ARAP2: variants seen among roughly 807,000 people sequenced by gnomAD.
ARAP2 encodes the protein ArfGAP with RhoGAP domain, ankyrin repeat and PH domain 2.
In ARAP2, 148 loss-of-function variants were observed where a neutral mutation model predicts 194.5. That is an observed-to-expected ratio of 0.76 (90% CI 0.67 to 0.87). ARAP2 has a LOEUF of 0.87. ARAP2 is among the 40% of genes least tolerant of loss of function. The probability of loss-of-function intolerance (pLI) is 0.00; values close to 1 mark genes in which losing one functional copy is unlikely to be tolerated. For synonymous variants in ARAP2, 695 were observed against 683.5 expected (o/e 1.02, Z -0.26); for missense variants, 2,128 against 1,989.7 (o/e 1.07, Z -1.32).
intron 27 of ARAP2, among the ~76,000 whole-genome samples, chr4:36,099,606 A>G (rs1038499712): frequency 5.3e-5 from 8 of 152,082 alleles, no homozygotes; most frequent in African/African-American, 1.9e-4. Context: ...GTACATATTC[A>G]TTTTGTATTT....
chr4:36,103,909 A>C (rs567946050), intron 27 of ARAP2, among the ~76,000 whole-genome samples: 1 of 152,070 alleles, frequency 6.6e-6, no homozygotes, highest in South Asian at 2.1e-4. Context: ...TTTATATAAC[A>C]TTCTCGCGTT....
chr4:36,141,398 G>A (rs988465923), intron 19 of ARAP2, among the ~76,000 whole-genome samples: 4 of 151,560 alleles, frequency 2.6e-5, no homozygotes, highest in Admixed American at 1.3e-4. Flanking sequence ...ACATTAAAAC[G>A]ACACCATCTG....
At chr4:36,143,236 C>T (rs1190851321) in intron 19 of ARAP2, among the ~76,000 whole-genome samples, 1 of 151,672 alleles carries the variant, frequency 6.6e-6, no homozygotes, top group South Asian at 2.1e-4. Context: ...CGGTGGACCT[C>T]CCTTCTCTCT....
chr4:36,049,911 T>A (rs1722394101), intron 3 of ARAP2, among the ~76,000 whole-genome samples: 1 of 152,184 alleles, frequency 6.6e-6, no homozygotes, highest in African/African-American at 2.4e-5. Flanking sequence ...TAAACATGCA[T>A]TATTAAAATA....
At chr4:36,193,076 C>T (rs1395743915) in intron 7 of ARAP2, among the ~76,000 whole-genome samples, 3 of 152,278 alleles carry the variant, frequency 2.0e-5, no homozygotes, top group South Asian at 4.2e-4. Flanking sequence ...GTGTTTATAC[C>T]GATTTGATGC....
In ARAP2 at chr4:36,193,533, G is replaced by A. The variant is rs373725925; in HGVS notation, c.1557+45C>T. ...AAACTGCTTGCTTATTTTACTCTTC[G>A]TATGCATAAAAAAGCAATTTTTGAA... On this transcript the variant is annotated intron_variant, in intron 7 of 32. Transcript: ENST00000303965. 9.2e-4 allele frequency: 1,198 copies of A among 1,295,516 alleles called. 9 individuals carry two copies. Among genetic ancestry groups the A allele is most frequent in the Middle Eastern group, 7.6e-4 (4 of 5,292 alleles). 80.3% of individuals were successfully genotyped at this position (1,295,516 alleles called of 1,614,324 possible).
Position 36,133,236 on chromosome 4 carries a change from A to G in ARAP2, c.3417T>C (p.Val1139=). The G allele has an allele frequency of 6.2e-7, 1 of 1,610,494 alleles. No homozygotes were observed. The highest frequency in any genetic ancestry group is 1.3e-5 in the African/African-American group (1 of 74,802). ...PIIVNSCIAF[V]TQYGLGCKYI... ...CTCAGTGATACTTACCATACTGTGT[A>G]ACAAATGCTATACAGCTGTTCACTA... is the stretch of plus-strand genomic sequence containing the variant. The change falls in exon 20 of 33, where the codon GTT becomes GTC. Residue 1139 remains valine (V), a synonymous_variant. Coordinates refer to ENST00000303965, the MANE Select transcript of ARAP2 (RefSeq NM_015230.4).
intron 27 of ARAP2, among the ~76,000 whole-genome samples, chr4:36,098,254 G>A (rs946148677): frequency 3.9e-5 from 6 of 152,036 alleles, no homozygotes; most frequent in African/African-American, 9.7e-5. Context: ...TACCCTCCAT[G>A]TCCAGGCAGC....
chr4:36,196,862 T>C (rs759527481), intron 6 of ARAP2, among the ~76,000 whole-genome samples: 2 of 151,586 alleles, frequency 1.3e-5, no homozygotes, highest in Admixed American at 6.6e-5. Flanking sequence ...CCATATGCCA[T>C]TGTCTCTGCT....
At chr4:36,187,138 AAAC>A (rs1421417681) in intron 8 of ARAP2, among the ~76,000 whole-genome samples, 2 of 152,234 alleles carry the variant, frequency 1.3e-5, no homozygotes, top group Admixed American at 6.5e-5. Context: ...TGCATTATCA[AAAC>A]AACATCTCAA....
chr4:36,233,759 C>T (rs964323845), intron 1 of ARAP2, among the ~76,000 whole-genome samples: 3 of 152,210 alleles, frequency 2.0e-5, no homozygotes, highest in Non-Finnish European at 4.4e-5. Context: ...CGTACTGATG[C>T]TTAGTAAACA....
intron 21 of ARAP2, among the ~76,000 whole-genome samples, chr4:36,126,297 C>T (rs528184474): frequency 1.4e-4 from 21 of 151,876 alleles, no homozygotes; most frequent in Admixed American, 3.3e-4. Flanking sequence ...AACACTACTA[C>T]GCTTAAAACA....
Position 36,244,218 on chromosome 4 carries a change from C to T in ARAP2, c.-199G>A, listed in dbSNP as rs1754182147. 6.6e-6 allele frequency: 1 copy of T among 152,028 alleles called. No individual in the cohort carries two copies. Among genetic ancestry groups the T allele is most frequent in the Admixed American group, 6.5e-5 (1 of 15,280 alleles). 9.4% of individuals were successfully genotyped at this position (152,028 alleles called of 1,614,324 possible). On this transcript the variant is annotated 5_prime_UTR_variant, in exon 1 of 33. Transcript: ENST00000303965. ...GCGGAGTTCGAAAAGCGAGGTGAGG[C>T]GGCGCTGGGAAGCTCAGCGCCGGCG... is the stretch of plus-strand genomic sequence containing the variant.
chr4:36,083,226 G>A, intron 29 of ARAP2, 142 bp downstream of exon 29: 2 of 648,650 alleles, frequency 3.1e-6, no homozygotes, highest in Non-Finnish European at 5.3e-6. Context: ...TAAGAACCCT[G>A]TGACAGGGGA....
At chr4:36,018,529 C>A (rs1004283673) in intron 6 of ARAP2, among the ~76,000 whole-genome samples, 2 of 151,542 alleles carry the variant, frequency 1.3e-5, no homozygotes, top group Non-Finnish European at 2.9e-5. Flanking sequence ...TAATACATAC[C>A]TCCAGAACTA....
At chr4:36,127,133 G>C (rs981073184) in intron 21 of ARAP2, among the ~76,000 whole-genome samples, 1 of 152,034 alleles carries the variant, frequency 6.6e-6, no homozygotes. Flanking sequence ...ACTGTGCCCA[G>C]TCTTGCCATG....
Position 36,244,360 on chromosome 4 carries a change from G to GGGC in ARAP2, c.-344_-342dup, listed in dbSNP as rs1754234404. On this transcript the variant is annotated 5_prime_UTR_variant, in exon 1 of 33. Transcript: ENST00000303965. ...CTCTGCTGCCTGGCGGCGGCCGCGC[G>GGGC]GGCGGCGCTGTTAGTGGGGCCGGCG... 1 of 151,214 alleles carries GGGC rather than the reference G, an allele frequency of 6.6e-6. No homozygotes were observed. Among genetic ancestry groups the GGGC allele is most frequent in the Admixed American group, 6.6e-5 (1 of 15,190 alleles). 9.4% of individuals were successfully genotyped at this position (151,214 alleles called of 1,614,324 possible). A position where few individuals can be genotyped will look rare whatever the true frequency, so the allele number is the denominator to read the frequency against.
intron 6 of ARAP2, among the ~76,000 whole-genome samples, chr4:36,199,740 G>A (rs1356914106): frequency 6.6e-6 from 1 of 152,086 alleles, no homozygotes; most frequent in Non-Finnish European, 1.5e-5. Flanking sequence ...TCAGTTATAA[G>A]AATAAATTCT....
At chr4:36,018,239 A>T (rs1716234304) in intron 6 of ARAP2, among the ~76,000 whole-genome samples, 1 of 152,152 alleles carries the variant, frequency 6.6e-6, no homozygotes, top group African/African-American at 2.4e-5. Context: ...GACTGAGGTC[A>T]TGAGTTTCAA....
Sources: gnomAD v4.1 joint callset for allele counts (sites outside exome capture counted in the v4.1 genomes callset) on GRCh38, gnomAD v4.1.1 for gene constraint, MANE v1.5 for transcripts, NCBI Gene and HGNC (gene_info 2026-07-23, HGNC 2026-07-21) for gene names.